Variants in C10orf90 observed in about 807,000 individuals in gnomAD.
C10orf90 encodes the protein chromosome 10 open reading frame 90, also known as (E2-independent) E3 ubiquitin-conjugating enzyme FATS.
C10orf90 carries 56 observed loss-of-function variants against 62.5 expected under a neutral mutation model. That is an observed-to-expected ratio of 0.90 (90% CI 0.72 to 1.12). The LOEUF (loss-of-function observed/expected upper bound fraction) is 1.12. C10orf90 is among the 50% of genes most tolerant of loss of function. The pLI is 0.00. For missense variants in C10orf90, 970 were observed against 880.4 expected (o/e 1.10, Z -1.29); for synonymous variants, 386 against 340.4 (o/e 1.13, Z -1.47).
chr10:126,585,467 A>AAT (rs1844850049), intron 2 of C10orf90, among the ~76,000 whole-genome samples: 1 of 58,954 alleles, frequency 1.7e-5, no homozygotes, highest in Non-Finnish European at 3.5e-5. Context: ...AAGGAAGGAA[A>AAT]GGAAGAGAGG....
At chr10:126,464,210 G>A (rs1215037130) in intron 5 of C10orf90, among the ~76,000 whole-genome samples, 1 of 152,130 alleles carries the variant, frequency 6.6e-6, no homozygotes, top group East Asian at 1.9e-4. Flanking sequence ...TTCCTCTGTG[G>A]GAGGCTGAGT....
chr10:126,613,813 G>A lies in C10orf90; in HGVS notation c.313+32752C>T, dbSNP rs551905035. Among the ~76,000 whole-genome samples the A allele has an allele frequency of 4.6e-5, 7 of 152,264 alleles. No homozygotes were observed. In the South Asian group the frequency reaches 1.5e-3, roughly 32 times the overall value. On this transcript the variant is annotated intron_variant, in intron 2 of 9. Coordinates refer to ENST00000488181, the MANE Select transcript of C10orf90 (RefSeq NM_001350921.2). Reference sequence around the variant, plus strand: ...CCTTCCCTCTGGATTTGAGCCTCTGGCTTATGCATGAGCCAAGGCTTTCAA... The same window carrying A: ...CCTTCCCTCTGGATTTGAGCCTCTGACTTATGCATGAGCCAAGGCTTTCAA...
chr10:126,455,415 C>A (rs1373329540), intron 7 of C10orf90, among the ~76,000 whole-genome samples: 2 of 152,190 alleles, frequency 1.3e-5, no homozygotes, highest in Non-Finnish European at 2.9e-5. Context: ...CCACAACAAC[C>A]TTGGCAAACT....
At chr10:126,521,984 G>A (rs956560249) in intron 2 of C10orf90, among the ~76,000 whole-genome samples, 3 of 152,234 alleles carry the variant, frequency 2.0e-5, no homozygotes, top group South Asian at 2.1e-4. Flanking sequence ...AGATAGCACC[G>A]GCAGCCTGGC....
Position 126,453,476 on chromosome 10 carries a change from C to T in C10orf90, c.2188+5564G>A, listed in dbSNP as rs945149428. Among the ~76,000 whole-genome samples, 3 of 148,184 alleles carry T rather than the reference C, an allele frequency of 2.0e-5. No individual in the cohort carries two copies. Among genetic ancestry groups the T allele is most frequent in the Admixed American group, 6.8e-5 (1 of 14,764 alleles). On this transcript the variant is annotated intron_variant, in intron 7 of 9. Coordinates refer to ENST00000488181, the MANE Select transcript of C10orf90 (RefSeq NM_001350921.2). The surrounding 1 kb of genome is among the most constrained non-coding windows in gnomAD (Gnocchi z 4.9). Reference sequence around the variant, plus strand: ...GGAGAAAGAAGGATGGGAATCAGGACGGCTTTGTAGAAGAAGGGGATGTTC... The same window carrying T: ...GGAGAAAGAAGGATGGGAATCAGGATGGCTTTGTAGAAGAAGGGGATGTTC...
intron 2 of C10orf90, among the ~76,000 whole-genome samples, chr10:126,563,591 G>A (rs7894403): frequency 0.28 from 43,198 of 152,048 alleles, 6,533 homozygotes; most frequent in East Asian, 0.41. Flanking sequence ...CCTGGTGGCC[G>A]TGAGCCCAAT....
intron 2 of C10orf90, among the ~76,000 whole-genome samples, chr10:126,626,148 A>G (rs1368120915): frequency 1.4e-5 from 2 of 138,840 alleles, no homozygotes; most frequent in Non-Finnish European, 3.1e-5. Flanking sequence ...AAAAAAAAAA[A>G]GTGAGAAGGC....
intron 2 of C10orf90, among the ~76,000 whole-genome samples, chr10:126,531,541 G>A (rs1864097018): frequency 6.6e-6 from 1 of 152,136 alleles, no homozygotes; most frequent in Non-Finnish European, 1.5e-5. Flanking sequence ...CAACCAAGTA[G>A]AGTTTATCCC....
chr10:126,495,654 T>G (rs1215216000), intron 4 of C10orf90, among the ~76,000 whole-genome samples: 1 of 152,182 alleles, frequency 6.6e-6, no homozygotes, highest in African/African-American at 2.4e-5. Context: ...GAAAATCACA[T>G]TTTACAGAAA....
intron 7 of C10orf90, among the ~76,000 whole-genome samples, chr10:126,438,093 T>A (rs1450844905): frequency 6.6e-6 from 1 of 152,194 alleles, no homozygotes; most frequent in Non-Finnish European, 1.5e-5. Context: ...TTGTTACAGA[T>A]GCCGGGGTAC....
At chr10:126,599,144 A>G (rs1219896822) in intron 2 of C10orf90, among the ~76,000 whole-genome samples, 1 of 150,862 alleles carries the variant, frequency 6.6e-6, no homozygotes, top group Non-Finnish European at 1.5e-5. Context: ...TCTTTGCACT[A>G]CAGAGATAAG....
intron 2 of C10orf90, among the ~76,000 whole-genome samples, chr10:126,575,624 G>C (rs909243635): frequency 1.3e-5 from 2 of 151,594 alleles, no homozygotes; most frequent in African/African-American, 4.8e-5. Context: ...GCCAGCCAAA[G>C]CAATCCTGGT....
At chr10:126,464,651 G>A (rs1324366224) in intron 5 of C10orf90, 45 bp downstream of exon 5, 14 of 1,556,754 alleles carry the variant, frequency 9.0e-6, no homozygotes, top group East Asian at 2.3e-5. Context: ...AATTTTTATC[G>A]AATGTCAAGA....
intron 7 of C10orf90, among the ~76,000 whole-genome samples, chr10:126,445,268 A>G (rs1341192947): frequency 1.3e-5 from 2 of 152,190 alleles, no homozygotes; most frequent in Non-Finnish European, 2.9e-5. Flanking sequence ...CAATCTATAC[A>G]TCTGACAAAG....
intron 4 of C10orf90, among the ~76,000 whole-genome samples, chr10:126,502,447 T>C (rs930300647): frequency 6.6e-6 from 1 of 152,166 alleles, no homozygotes; most frequent in Non-Finnish European, 1.5e-5. Flanking sequence ...GATAATCCCT[T>C]AGAGGAGCAG....
chr10:126,543,012 G>C (rs950834214), intron 2 of C10orf90, among the ~76,000 whole-genome samples: 6 of 152,132 alleles, frequency 3.9e-5, no homozygotes, highest in African/African-American at 1.4e-4. Flanking sequence ...TGATTTTGTT[G>C]AGAGCCTCAG....
At chr10:126,653,359 A>G (rs1360835930) in intron 1 of C10orf90, among the ~76,000 whole-genome samples, 1 of 152,232 alleles carries the variant, frequency 6.6e-6, no homozygotes, top group African/African-American at 2.4e-5. Flanking sequence ...TCTATCAACA[A>G]ATTTATAGAA....
At chr10:126,487,142 C>CAAAAAAAAAAAAAAAAAAAAAAAAAAA (rs1158481155) in intron 4 of C10orf90, among the ~76,000 whole-genome samples, 4 of 29,456 alleles carry the variant, frequency 1.4e-4, no homozygotes, top group Non-Finnish European at 2.4e-4. Flanking sequence ...AAAACTCTGT[C>CAAAAAAAAAAAAAAAAAAAAAAAAAAA]AAAAAAAAAA....
At chr10:126,565,702 C>T (rs192903438) in intron 2 of C10orf90, among the ~76,000 whole-genome samples, 12 of 152,024 alleles carry the variant, frequency 7.9e-5, no homozygotes, top group African/African-American at 1.2e-4. Flanking sequence ...GAAAAGAGGC[C>T]ATCCCCATGC....
Sources: allele counts gnomAD v4.1 joint callset (sites outside exome capture counted in the v4.1 genomes callset), GRCh38; gene constraint gnomAD v4.1.1; non-coding constraint Gnocchi (gnomAD v3.1); transcripts MANE v1.5; gene names NCBI Gene and HGNC (gene_info 2026-07-23, HGNC 2026-07-21).